The following SPHKAP variants were observed in gnomAD, a reference collection of about 807,000 sequenced individuals.
SPHKAP encodes A-kinase anchor protein SPHKAP.
In SPHKAP, 67 loss-of-function variants were observed where a neutral mutation model predicts 137.5. The observed-to-expected ratio is 0.49, with a 90% CI of 0.40 to 0.60. SPHKAP has a LOEUF of 0.60. Among genes scored for constraint, SPHKAP ranks in the 20% least tolerant of loss-of-function variants. The probability of loss-of-function intolerance (pLI) is 0.00; values close to 1 mark genes in which losing one functional copy is unlikely to be tolerated. For missense variants in SPHKAP, 2,097 were observed against 2,069.3 expected, an observed-to-expected ratio of 1.01 and a Z score of -0.26; for synonymous variants, 813 against 785.3, an observed-to-expected ratio of 1.04 and a Z score of -0.59.
At chr2:228,038,935 G>A (rs6740436) in intron 3 of SPHKAP, among the ~76,000 whole-genome samples, 58,083 of 152,072 alleles carry the variant, frequency 0.38, 11,548 homozygotes, top group South Asian at 0.51. Flanking sequence ...AATTAAATGA[G>A]CTAATAAACC....
Position 228,181,537 on chromosome 2 carries a change from G to GTAT in SPHKAP, c.32+27_32+29dup, listed in dbSNP as rs776322921. ...CGCGGAACGGAGTTTGATCGACATG[G>GTAT]TATTGGGCATAGAAAGAAGCGGGTC... On this transcript the variant is annotated intron_variant, in intron 1 of 11. Transcript: ENST00000392056. The surrounding 1 kb of genome is among the most constrained non-coding windows in gnomAD (Gnocchi z 4.3). The GTAT allele has an allele frequency of 9.9e-6, 16 of 1,614,190 alleles. No homozygotes were observed. The highest frequency in any genetic ancestry group is 4.5e-5 in the East Asian group (2 of 44,856).
chr2:228,069,762 G>A (rs1470302547), intron 3 of SPHKAP, among the ~76,000 whole-genome samples: 3 of 152,216 alleles, frequency 2.0e-5, no homozygotes, highest in East Asian at 3.9e-4. Context: ...AACCAAGCTT[G>A]GAAAATAGGA....
In SPHKAP at chr2:227,995,491, C is replaced by A. The variant is rs1693603289; in HGVS notation, c.4634+18G>T. The A allele has an allele frequency of 6.2e-7, 1 of 1,613,848 alleles. No individual in the cohort carries two copies. The highest frequency in any genetic ancestry group is 8.5e-7 in the Non-Finnish European group (1 of 1,179,918). ...GTTGAGACCAATTTCCCTGGGAATT[C>A]AAGGGAAGAGCAGGTACCTCATGGA... On this transcript the variant is annotated intron_variant, in intron 8 of 11. Transcript: ENST00000392056.
intron 1 of SPHKAP, among the ~76,000 whole-genome samples, chr2:228,170,216 T>C (rs1187477248): frequency 6.6e-6 from 1 of 152,122 alleles, no homozygotes. Flanking sequence ...AATAAATTTT[T>C]TTGTTTGTTT....
intron 3 of SPHKAP, among the ~76,000 whole-genome samples, chr2:228,089,259 T>C (rs1697641742): frequency 6.6e-6 from 1 of 152,204 alleles, no homozygotes; most frequent in African/African-American, 2.4e-5. Flanking sequence ...CTTGGCTGCA[T>C]TGTGTCCATG....
intron 8 of SPHKAP, among the ~76,000 whole-genome samples, chr2:227,994,709 T>C (rs1693560467): frequency 6.6e-6 from 1 of 152,216 alleles, no homozygotes; most frequent in Admixed American, 6.5e-5. Context: ...AGTCCAAAGA[T>C]TCGAGTTCTC....
chr2:228,057,624 T>C (rs535020047), intron 3 of SPHKAP, among the ~76,000 whole-genome samples: 4 of 146,752 alleles, frequency 2.7e-5, no homozygotes, highest in African/African-American at 1.1e-4. Flanking sequence ...GCCCATAAGA[T>C]GGAGAGAGGT....
At chr2:228,056,846 A>G (rs144871125) in intron 3 of SPHKAP, among the ~76,000 whole-genome samples, 17 of 152,264 alleles carry the variant, frequency 1.1e-4, no homozygotes, top group African/African-American at 3.6e-4. Context: ...ATTCAGGCAT[A>G]ATTTAAAGTG....
intron 3 of SPHKAP, among the ~76,000 whole-genome samples, chr2:228,072,753 A>T (rs1262332090): frequency 2.6e-5 from 4 of 151,880 alleles, no homozygotes; most frequent in African/African-American, 7.3e-5. Flanking sequence ...TGAAGAGGCC[A>T]CAAAGAGACA....
intron 3 of SPHKAP, among the ~76,000 whole-genome samples, chr2:228,030,603 C>T (rs961814642): frequency 1.4e-5 from 2 of 144,546 alleles, no homozygotes; most frequent in African/African-American, 5.1e-5. Flanking sequence ...TGAATATTTA[C>T]TTCTTTAGAA....
At chr2:228,108,737 T>A (rs912009944) in intron 3 of SPHKAP, 95 bp downstream of exon 3, 1 of 801,734 alleles carries the variant, frequency 1.2e-6, no homozygotes, top group Non-Finnish European at 2.0e-6. Flanking sequence ...CAACTTGGTA[T>A]TTAATGAATT....
At position 228,143,607 on chromosome 2, in the gene SPHKAP, T is replaced by C. The variant is rs149190273; in HGVS notation, c.33-11522A>G. ...GCCTCCCTGGTTCAAGCAATTCTCCTGTGACAGCCTCCCAAGTAGCTGGGA... is the reference window on the plus strand; with the variant it reads ...GCCTCCCTGGTTCAAGCAATTCTCCCGTGACAGCCTCCCAAGTAGCTGGGA... On this transcript the variant is annotated intron_variant, in intron 1 of 11. Coordinates refer to ENST00000392056, the MANE Select transcript of SPHKAP (RefSeq NM_001142644.2). 4.0e-3 allele frequency among the ~76,000 whole-genome samples: 606 copies of C among 151,658 alleles called. 6 individuals carry two copies. Among genetic ancestry groups the C allele is most frequent in the East Asian group, 0.016 (83 of 5,158 alleles).
Position 228,017,389 on chromosome 2 carries a change from G to C in SPHKAP, c.3465C>G (p.Asn1155Lys). Reference sequence around the variant, plus strand: ...TGGCTGAGTTCAGAATGCTGCTGGCGTTCTTGCCAGCATAGTAATCCAGCA... The same window carrying C: ...TGGCTGAGTTCAGAATGCTGCTGGCCTTCTTGCCAGCATAGTAATCCAGCA... ...ELLLDYYAGKNASSILNSAMQ... is the reference protein window; with the variant it reads ...ELLLDYYAGKKASSILNSAMQ... The change falls in exon 7 of 12, where the codon AAC becomes AAG. Residue 1155 changes from asparagine to lysine, a missense_variant. Transcript: ENST00000392056. 4 of 1,614,024 alleles carry C rather than the reference G, an allele frequency of 2.5e-6. No individual in the cohort carries two copies. The highest frequency in any genetic ancestry group is 3.4e-6 in the Non-Finnish European group (4 of 1,179,998).
In SPHKAP at chr2:228,017,614, G is replaced by A. The variant is rs1339698517; in HGVS notation, c.3240C>T (p.Ala1080=). The A allele has an allele frequency of 1.2e-6, 2 of 1,613,954 alleles. No individual in the cohort carries two copies. The highest frequency in any genetic ancestry group is 2.2e-5 in the East Asian group (1 of 44,860). ...LSGDRWSRLK[A]SSCESIPEED... The stretch of plus-strand genomic sequence containing the variant: ...CCTCAGGAATGCTTTCGCAGCTGGA[G>A]GCCTTCAGCCGGCTCCACCTGTCGC... The change falls in exon 7 of 12, where the codon GCC becomes GCT. Residue 1080 remains alanine (A), a synonymous_variant. Transcript: ENST00000392056.
intron 2 of SPHKAP, among the ~76,000 whole-genome samples, chr2:228,110,965 T>G (rs1698500282): frequency 6.6e-6 from 1 of 152,174 alleles, no homozygotes; most frequent in Non-Finnish European, 1.5e-5. Flanking sequence ...ATAAAAAATT[T>G]TCTTAGCTTT....
At chr2:228,130,737 T>C (rs1699223866) in intron 2 of SPHKAP, among the ~76,000 whole-genome samples, 1 of 152,186 alleles carries the variant, frequency 6.6e-6, no homozygotes, top group Admixed American at 6.5e-5. Flanking sequence ...ATAAATAGTT[T>C]TATAAACTAT....
chr2:228,115,686 A>G (rs1698688192), intron 2 of SPHKAP, among the ~76,000 whole-genome samples: 1 of 152,140 alleles, frequency 6.6e-6, no homozygotes, highest in South Asian at 2.1e-4. Flanking sequence ...TGGGGGCCAA[A>G]CAGAAAATAA....
intron 1 of SPHKAP, among the ~76,000 whole-genome samples, chr2:228,173,262 A>G (rs1312291436): frequency 6.6e-6 from 1 of 152,220 alleles, no homozygotes; most frequent in Admixed American, 6.5e-5. Context: ...TTTGATGGCC[A>G]GAAAGATCAG....
rs1257815548 is a variant in SPHKAP, at chr2:228,025,866, A to C, written c.307-338T>G. 8 of 984,812 alleles carry C rather than the reference A, an allele frequency of 8.1e-6. No individual in the cohort carries two copies. The East Asian group carries it at 7.9e-4, about 98-fold the overall frequency. The allele number at this position is 984,812 out of a possible 1,614,324, so 61.0% of individuals were successfully genotyped here. ...TTTCCCTTTTAAGACCTTGCATAAA[A>C]CATTTTTTGTTTTAACTAATAATCT... On this transcript the variant is annotated intron_variant, in intron 4 of 11. Transcript: ENST00000392056.
Sources: gnomAD v4.1 joint callset for allele counts (sites outside exome capture counted in the v4.1 genomes callset) on GRCh38, gnomAD v4.1.1 for gene constraint, Gnocchi (gnomAD v3.1) non-coding constraint, MANE v1.5 for transcripts, NCBI Gene and HGNC (gene_info 2026-07-23, HGNC 2026-07-21) for gene names.